The following VPS8 variants were observed in gnomAD, a reference collection of about 807,000 sequenced individuals.
VPS8 encodes vacuolar protein sorting-associated protein 8 homolog.
VPS8 carries 129 observed loss-of-function variants against 216.4 expected under a neutral mutation model. That is an observed-to-expected ratio of 0.60 (90% confidence interval 0.52 to 0.69). VPS8 has a LOEUF of 0.69. Ranked by LOEUF, VPS8 falls within the 30% of genes least tolerant of loss-of-function variation. VPS8 has a pLI of 0.00. For missense variants in VPS8, 1,531 were observed against 1,683.5 expected (o/e 0.91, Z 1.59); for synonymous variants, 571 against 565.4 (o/e 1.01, Z -0.14).
chr3:184,960,006 A>AG (rs966178883), intron 37 of VPS8, among the ~76,000 whole-genome samples: 17 of 150,662 alleles, frequency 1.1e-4, no homozygotes, highest in Middle Eastern at 3.4e-3. Context: ...ACCCCACAAC[A>AG]GACCCCGGTG....
intron 46 of VPS8, among the ~76,000 whole-genome samples, chr3:185,031,082 T>G (rs1307328866): frequency 1.3e-5 from 2 of 148,940 alleles, no homozygotes; most frequent in Non-Finnish European, 1.5e-5. Context: ...TTTTTTTTTT[T>G]TTTTTTTTTA....
chr3:185,030,766 T>A (rs1478994936), intron 46 of VPS8, among the ~76,000 whole-genome samples: 2 of 152,150 alleles, frequency 1.3e-5, no homozygotes, highest in Non-Finnish European at 2.9e-5. Flanking sequence ...GGAGCTGATT[T>A]TTGGAGTTTT....
intron 29 of VPS8, chr3:184,922,416 G>A (rs1174659338): frequency 1.1e-5 from 5 of 454,338 alleles, no homozygotes; most frequent in Non-Finnish European, 2.2e-5. Flanking sequence ...TACTGTTTTG[G>A]TCATTGTTTT....
At chr3:185,019,017 C>T (rs1756245933) in intron 45 of VPS8, among the ~76,000 whole-genome samples, 1 of 152,172 alleles carries the variant, frequency 6.6e-6, no homozygotes, top group Admixed American at 6.5e-5. Context: ...GCTGCTTTAG[C>T]TTTAGCTGGC....
At chr3:184,906,907 T>C (rs1168436796) in intron 25 of VPS8, among the ~76,000 whole-genome samples, 2 of 152,154 alleles carry the variant, frequency 1.3e-5, no homozygotes, top group African/African-American at 4.8e-5. Flanking sequence ...TTAAGGTAGA[T>C]CACATAATAT....
chr3:184,898,643 A>G lies in VPS8; in HGVS notation c.2083A>G (p.Ser695Gly). 1.3e-6 allele frequency: 2 copies of G among 1,549,700 alleles called. No homozygotes were observed. Among genetic ancestry groups the G allele is most frequent in the South Asian group, 2.4e-5 (2 of 82,910 alleles). ...VYNRGMNEFI[S>G]PMEKLFRVIA... ...CAACAGAGGCATGAATGAATTTATT[A>G]GTCCAATGGAGGTAAGATACTTCCT... The change falls in exon 24 of 48, where the codon AGT becomes GGT. Residue 695 changes from serine (S) to glycine (G), a missense_variant. Physicochemically the swap from Ser to Gly is moderately conservative, Grantham distance 56 (BLOSUM62 0). This residue lies in a region of VPS8 where 1,318 missense variants were observed against 1,468.4 expected (regional missense o/e 0.90). Coordinates refer to ENST00000625842, the MANE Select transcript of VPS8 (RefSeq NM_001009921.3).
chr3:185,020,950 T>C (rs1408293172), intron 45 of VPS8, among the ~76,000 whole-genome samples: 3 of 152,176 alleles, frequency 2.0e-5, no homozygotes, highest in South Asian at 2.1e-4. Flanking sequence ...GGTGCACCTG[T>C]AATCCCAGCT....
At chr3:184,872,602 T>A (rs1728542933) in intron 21 of VPS8, among the ~76,000 whole-genome samples, 1 of 152,080 alleles carries the variant, frequency 6.6e-6, no homozygotes, top group Non-Finnish European at 1.5e-5. Context: ...CAGTGATTAG[T>A]CTCATAGGAG....
intron 46 of VPS8, 68 bp from the exon 47 acceptor site, chr3:185,048,411 G>C (rs544361652): frequency 6.9e-7 from 1 of 1,459,238 alleles, no homozygotes; most frequent in East Asian, 2.3e-5. Context: ...CTTCAGCATC[G>C]TGTAGAGCAA....
Position 184,908,048 on chromosome 3 carries a change from G to A in VPS8, c.2147-5471G>A, listed in dbSNP as rs114913533. On this transcript the variant is annotated intron_variant, in intron 25 of 47. Coordinates refer to ENST00000625842, the MANE Select transcript of VPS8 (RefSeq NM_001009921.3). The stretch of plus-strand genomic sequence containing the variant: ...CCAGTTTTTCCTTTTAAGGTTTTTG[G>A]TGCACCACTTATTAGTCCCAACTAC... 8.6e-3 allele frequency among the ~76,000 whole-genome samples: 1,307 copies of A among 152,118 alleles called. 22 individuals carry two copies. The highest frequency in any genetic ancestry group is 0.028 in the African/African-American group (1,174 of 41,480).
intron 21 of VPS8, among the ~76,000 whole-genome samples, chr3:184,881,424 C>G: frequency 6.6e-6 from 1 of 152,120 alleles, no homozygotes; most frequent in Admixed American, 6.5e-5. Flanking sequence ...TTCCTCCACT[C>G]AGTTGCTTTA....
chr3:184,821,922 A>G (rs1203806394), intron 1 of VPS8, among the ~76,000 whole-genome samples: 1 of 152,176 alleles, frequency 6.6e-6, no homozygotes, highest in Non-Finnish European at 1.5e-5. Flanking sequence ...TGGCTATCAC[A>G]TAATCCCTTA....
intron 42 of VPS8, among the ~76,000 whole-genome samples, chr3:184,993,556 T>C (rs775200244): frequency 4.6e-5 from 7 of 152,102 alleles, no homozygotes; most frequent in Non-Finnish European, 1.0e-4. Context: ...CCAAAACTGA[T>C]GCAATTGAGT....
At chr3:184,828,810 C>T (rs780545601) in intron 3 of VPS8, among the ~76,000 whole-genome samples, 8 of 152,164 alleles carry the variant, frequency 5.3e-5, no homozygotes, top group Non-Finnish European at 1.2e-4. Flanking sequence ...TGAATGTTAA[C>T]AAACTGAACA....
rs1034332724 is a variant in VPS8, at chr3:184,926,481, T to C, written c.2575-113T>C. ...GGTAGCCTACACCTGTGGTATTTGT[T>C]ATGTCTGGGTGTGAATGAGTTGGTT... On this transcript the variant is annotated intron_variant, in intron 30 of 47. Transcript: ENST00000625842. 5.8e-6 allele frequency: 6 copies of C among 1,042,988 alleles called. No homozygotes were observed. In the African/African-American group the frequency reaches 8.1e-5, roughly 14 times the overall value. 64.6% of individuals were successfully genotyped at this position (1,042,988 alleles called of 1,614,324 possible).
At chr3:184,906,851 A>G (rs1177181457) in intron 25 of VPS8, among the ~76,000 whole-genome samples, 1 of 152,148 alleles carries the variant, frequency 6.6e-6, no homozygotes, top group Non-Finnish European at 1.5e-5. Flanking sequence ...GATTTCAGGG[A>G]AGGGATGGAA....
rs534243933 is a variant in VPS8, at chr3:185,011,044, A to G, written c.4002+11183A>G. Among the ~76,000 whole-genome samples, 7 of 152,002 alleles carry G rather than the reference A, an allele frequency of 4.6e-5. No individual in the cohort carries two copies. The South Asian group carries it at 1.0e-3, about 23-fold the overall frequency. On this transcript the variant is annotated intron_variant, in intron 45 of 47. Transcript: ENST00000625842. ...GAAATGAATAGATCATTGGTGAACT[A>G]TGGAACAACTTCAAGTGGCCAAATA...
chr3:184,931,866 C>T (rs891030994), intron 34 of VPS8, among the ~76,000 whole-genome samples: 3 of 152,098 alleles, frequency 2.0e-5, no homozygotes, highest in African/African-American at 7.2e-5. Context: ...TCTCATTTCA[C>T]CTCATCTGCA....
intron 7 of VPS8, 130 bp downstream of exon 7, chr3:184,839,882 A>C (rs1721801061): frequency 7.0e-7 from 1 of 1,428,086 alleles, no homozygotes; most frequent in Non-Finnish European, 9.1e-7. Flanking sequence ...GAAAAGTAGC[A>C]GTCAGTATTT....
Sources: allele counts gnomAD v4.1 joint callset (sites outside exome capture counted in the v4.1 genomes callset), GRCh38; gene constraint gnomAD v4.1.1; regional missense constraint gnomAD v4.1.1; transcripts MANE v1.5; gene names NCBI Gene and HGNC (gene_info 2026-07-23, HGNC 2026-07-21).